Variants in GSE1 observed in about 807,000 individuals in gnomAD.
The protein encoded by GSE1 is genetic suppressor element 1.
In GSE1, 32 loss-of-function variants were observed where a neutral mutation model predicts 112.6. The observed-to-expected ratio is 0.28, with a 90% CI of 0.21 to 0.38. GSE1 has a LOEUF of 0.38. Among genes scored for constraint, GSE1 ranks in the 10% least tolerant of loss-of-function variants. GSE1 has a pLI of 1.00. For missense variants in GSE1, 2,348 were observed against 1,699.2 expected (o/e 1.38, Z -6.71); for synonymous variants, 1,115 against 735.6 (o/e 1.52, Z -8.35).
chr16:85,399,908 C>T (rs985233095), intron 2 of GSE1, among the ~76,000 whole-genome samples: 2 of 152,162 alleles, frequency 1.3e-5, no homozygotes, highest in African/African-American at 4.8e-5. Context: ...CAGGGCAGAC[C>T]CTGGGCCCCA....
At chr16:85,370,655 C>G (rs1227445737) in intron 2 of GSE1, among the ~76,000 whole-genome samples, 1 of 121,430 alleles carries the variant, frequency 8.2e-6, no homozygotes, top group African/African-American at 2.9e-5. Context: ...TTCTCTCCCT[C>G]CCTCCCATGG....
rs371446017 is a variant in GSE1, at chr16:85,172,459, G to A, written c.2283+652G>A. Among the ~76,000 whole-genome samples the A allele has an allele frequency of 1.6e-4, 24 of 152,372 alleles. No individual in the cohort carries two copies. In the East Asian group the frequency reaches 4.4e-3, roughly 28 times the overall value. On this transcript the variant is annotated intron_variant, in intron 1 of 2. Coordinates refer to the GSE1 transcript ENST00000637419. ...AAGTCAGCTGTGCAGGAGGCAGACGGGAGGCCTGGCACTCTCCCTGTTTAT... is the reference window on the plus strand; with the variant it reads ...AAGTCAGCTGTGCAGGAGGCAGACGAGAGGCCTGGCACTCTCCCTGTTTAT...
At chr16:85,352,864 T>G (rs2046878668) in intron 1 of GSE1, among the ~76,000 whole-genome samples, 1 of 152,120 alleles carries the variant, frequency 6.6e-6, no homozygotes, top group Non-Finnish European at 1.5e-5. Context: ...GTCATGGTAG[T>G]GGGAAGAGCT....
intron 2 of GSE1, among the ~76,000 whole-genome samples, chr16:85,364,526 C>A (rs1000088908): frequency 2.0e-5 from 3 of 152,212 alleles, no homozygotes; most frequent in Non-Finnish European, 4.4e-5. Context: ...CCCCCGGTGC[C>A]GTAACAGACA....
At chr16:85,671,126 A>C (rs760119812) in intron 15 of GSE1, 28 bp downstream of exon 15, 6 of 1,277,024 alleles carry the variant, frequency 4.7e-6, no homozygotes, top group Admixed American at 3.4e-5. Context: ...GGAAACCTTC[A>C]AACACGCAAC....
chr16:85,474,021 G>A (rs913410546), intron 2 of GSE1, among the ~76,000 whole-genome samples: 1 of 152,116 alleles, frequency 6.6e-6, no homozygotes, highest in African/African-American at 2.4e-5. Flanking sequence ...GGCGGGCAGG[G>A]TGTGACATAG....
intron 1 of GSE1, among the ~76,000 whole-genome samples, chr16:85,603,672 TTTA>T (rs894626065): frequency 2.2e-4 from 33 of 152,268 alleles, no homozygotes; most frequent in African/African-American, 7.7e-4. Context: ...TGGTTATTTT[TTTA>T]TTATTATTTT....
rs1166164190 is a variant in GSE1 at position 85,245,524 on chromosome 16, C to G, written c.2283+73717C>G. On this transcript the variant is annotated intron_variant, in intron 1 of 2. Transcript: ENST00000637419. The stretch of plus-strand genomic sequence containing the variant: ...CCTTGGAGAAGGAGCTTCTTCCTGA[C>G]TGGCTGTGTTTAAAAGCACTTCCCC... 3.9e-5 allele frequency among the ~76,000 whole-genome samples: 6 copies of G among 152,346 alleles called. No individual in the cohort carries two copies. In the East Asian group the frequency reaches 1.2e-3, roughly 29 times the overall value.
intron 1 of GSE1, among the ~76,000 whole-genome samples, chr16:85,353,642 TCG>T (rs2046894756): frequency 6.6e-6 from 1 of 152,074 alleles, no homozygotes; most frequent in Non-Finnish European, 1.5e-5. Context: ...AAGGCCAGCC[TCG>T]GCAACAAGCA....
rs1358311933 is a variant in GSE1, at chr16:85,518,374, A to G, written c.2465-115540A>G. ...GACGGTGCCCTGACCGCGTGGCCGG[A>G]ACCGTCCTGTGTGCTGTGTCTGTGT... On this transcript the variant is annotated intron_variant, in intron 2 of 2. Coordinates refer to the GSE1 transcript ENST00000637419. Among the ~76,000 whole-genome samples the G allele has an allele frequency of 2.0e-5, 3 of 152,124 alleles. No homozygotes were observed. In the East Asian group the frequency reaches 5.8e-4, roughly 29 times the overall value.
At chr16:85,384,934 C>T (rs936770886) in intron 2 of GSE1, among the ~76,000 whole-genome samples, 8 of 152,254 alleles carry the variant, frequency 5.3e-5, no homozygotes, top group South Asian at 2.1e-4. Flanking sequence ...GCCTTGCATC[C>T]GGCCTGCCGC....
At chr16:85,213,489 A>G (rs1185631035) in intron 1 of GSE1, among the ~76,000 whole-genome samples, 1 of 152,180 alleles carries the variant, frequency 6.6e-6, no homozygotes, top group Non-Finnish European at 1.5e-5. Context: ...CCCTACTATT[A>G]TAATAACAGT....
rs944273220 is a variant in GSE1, at chr16:85,641,900, A to G, written c.227-6652A>G. On this transcript the variant is annotated intron_variant, in intron 2 of 15. Transcript: ENST00000253458. ...TCTGGCCGGGCTCCTTTCCACATCCATGTCGCCACAAGTCCGCCCAGGGCT... is the reference window on the plus strand; with the variant it reads ...TCTGGCCGGGCTCCTTTCCACATCCGTGTCGCCACAAGTCCGCCCAGGGCT... Among the ~76,000 whole-genome samples the G allele has an allele frequency of 7.2e-5, 11 of 152,138 alleles. No homozygotes were observed. The South Asian group carries it at 8.3e-4, about 11-fold the overall frequency.
At chr16:85,186,353 C>T (rs529658311) in intron 1 of GSE1, among the ~76,000 whole-genome samples, 1 of 152,122 alleles carries the variant, frequency 6.6e-6, no homozygotes, top group South Asian at 2.1e-4. Context: ...ACCTGTAATC[C>T]CAGCATTTTA....
intron 2 of GSE1, among the ~76,000 whole-genome samples, chr16:85,422,947 C>T (rs542791356): frequency 6.6e-6 from 1 of 152,186 alleles, no homozygotes; most frequent in African/African-American, 2.4e-5. Context: ...ACAGATTGCA[C>T]AAACCCCAGA....
intron 1 of GSE1, among the ~76,000 whole-genome samples, chr16:85,624,057 A>C (rs570293519): frequency 1.3e-5 from 2 of 152,212 alleles, no homozygotes; most frequent in East Asian, 3.9e-4. Context: ...CACTGGGGAG[A>C]GGAGAGGGGC....
chr16:85,566,368 G>A (rs1250298661), intron 1 of GSE1, among the ~76,000 whole-genome samples: 3 of 152,182 alleles, frequency 2.0e-5, no homozygotes, highest in South Asian at 2.1e-4. Context: ...GTCACAAGGC[G>A]GCAAGTTCTG....
At chr16:85,350,795 G>A (rs572687075) in intron 1 of GSE1, among the ~76,000 whole-genome samples, 1 of 152,014 alleles carries the variant, frequency 6.6e-6, no homozygotes, top group Non-Finnish European at 1.5e-5. Context: ...TTTTTTCTTC[G>A]AGACGGACTC....
intron 1 of GSE1, among the ~76,000 whole-genome samples, chr16:85,600,581 A>ACACACC (rs1555542691): frequency 1.5e-4 from 23 of 149,956 alleles, no homozygotes; most frequent in African/African-American, 5.7e-4. Context: ...ACACACACAC[A>ACACACC]CCCCAAACAC....
Sources: gnomAD v4.1 joint callset for allele counts (sites outside exome capture counted in the v4.1 genomes callset) on GRCh38, gnomAD v4.1.1 for gene constraint, MANE v1.5 for transcripts, NCBI Gene and HGNC (gene_info 2026-07-23, HGNC 2026-07-21) for gene names.